Variants in ZNF611 observed in about 807,000 individuals in gnomAD.
The protein encoded by ZNF611 is zinc finger protein 611.
In ZNF611, 6 loss-of-function variants were observed where a neutral mutation model predicts 8.9. That is an observed-to-expected ratio of 0.68 (90% CI 0.37 to 1.34). ZNF611 has a LOEUF of 1.34. ZNF611 is among the 40% of genes most tolerant of loss of function. The pLI is 0.02. For synonymous variants in ZNF611, 262 were observed against 279.7 expected (o/e 0.94, Z 0.63); for missense variants, 874 against 841.3 (o/e 1.04, Z -0.48).
chr19:52,728,542 GAAAGA>G (rs375743519), intron 3 of ZNF611, among the ~76,000 whole-genome samples, 183 bp downstream of exon 3: 5,603 of 151,994 alleles, frequency 0.037, 311 homozygotes, highest in African/African-American at 0.12. Context: ...CCATGTCCGA[GAAAGA>G]AAAGAAAAGA....
chr19:52,717,724 A>C, intron 3 of ZNF611: 1 of 982,858 alleles, frequency 1.0e-6, no homozygotes, highest in Non-Finnish European at 1.2e-6. Context: ...GAGGGAATTG[A>C]GGGAGACACT....
In ZNF611 at chr19:52,706,207, A is replaced by C. The variant is rs1392170610; in HGVS notation, c.848T>G (p.Val283Gly). The C allele has an allele frequency of 1.2e-6, 2 of 1,614,158 alleles. No individual in the cohort carries two copies. The highest frequency in any genetic ancestry group is 1.1e-5 in the South Asian group (1 of 91,074). The change falls in exon 6 of 6, where the codon GTT (valine) becomes GGT (glycine). Residue 283 changes from valine (V) to glycine (G), a missense_variant. Physicochemically the swap from Val to Gly is moderately radical, Grantham distance 109 (BLOSUM62 -3). Transcript: ENST00000652185. Reference sequence around the variant, plus strand: ...CTCTTTACACTTGTAAGGTTTCTCAACAGTGTGACATCTATCATGGCATGC... The same window carrying C: ...CTCTTTACACTTGTAAGGTTTCTCACCAGTGTGACATCTATCATGGCATGC... Reference protein sequence around the residue: ...YLACHDRCHTVEKPYKCKECG... With the variant: ...YLACHDRCHTGEKPYKCKECG...
At chr19:52,707,985 C>T (rs1344316174) in intron 5 of ZNF611, among the ~76,000 whole-genome samples, 5 of 151,746 alleles carry the variant, frequency 3.3e-5, no homozygotes, top group African/African-American at 4.8e-5. Flanking sequence ...TACCACATAC[C>T]GAAAAGCCAT....
chr19:52,731,130 G>A (rs1178199080), intron 1 of ZNF611, among the ~76,000 whole-genome samples: 1 of 151,680 alleles, frequency 6.6e-6, no homozygotes, highest in Non-Finnish European at 1.5e-5. Context: ...TGGTGCGATC[G>A]TGGCTCACTG....
rs1199451289 is a variant in ZNF611, at chr19:52,703,632, C to T, written c.*1305G>A. 1 of 145,162 alleles carries T rather than the reference C, an allele frequency of 6.9e-6. No homozygotes were observed. Among genetic ancestry groups the T allele is most frequent in the Admixed American group, 7.1e-5 (1 of 14,142 alleles). 9.0% of individuals were successfully genotyped at this position (145,162 alleles called of 1,614,324 possible). A position where few individuals can be genotyped will look rare whatever the true frequency, so the allele number is the denominator to read the frequency against. ...TTTGAGATAGACTCTCACTCTGTCGCCCAGGCTGGAGCCCAGTGGTGCGAT... is the reference window on the plus strand; with the variant it reads ...TTTGAGATAGACTCTCACTCTGTCGTCCAGGCTGGAGCCCAGTGGTGCGAT... On this transcript the variant is annotated 3_prime_UTR_variant, in exon 6 of 6. Transcript: ENST00000652185.
chr19:52,729,598 A>T, intron 2 of ZNF611, among the ~76,000 whole-genome samples: 1 of 152,168 alleles, frequency 6.6e-6, no homozygotes, highest in Admixed American at 6.6e-5. Flanking sequence ...ACCACACAGA[A>T]CAGGCACTTA....
In ZNF611 at chr19:52,705,766, TCATTA is replaced by T; in HGVS notation, c.1284_1288del (p.Cys428Ter). On this transcript the variant is annotated stop_gained and frameshift_variant, in exon 6 of 6. Transcript: ENST00000652185. LOFTEE classifies it low-confidence loss of function (END_TRUNC). ...CTTGTGACTGAAGGTCTTGCCACAC[TCATTA>T]CATTTATAAGTTTTCTTTGCAGTAT... 6.2e-7 allele frequency: 1 copy of T among 1,614,112 alleles called. No individual in the cohort carries two copies. The highest frequency in any genetic ancestry group is 8.5e-7 in the Non-Finnish European group (1 of 1,180,002).
At chr19:52,720,825 G>A in intron 3 of ZNF611, 1 of 153,716 alleles carries the variant, frequency 6.5e-6, no homozygotes, top group Non-Finnish European at 1.4e-5. Context: ...AGATGGGGCG[G>A]CCGGGCAGAG....
intron 5 of ZNF611, among the ~76,000 whole-genome samples, chr19:52,713,183 G>A (rs979467247): frequency 6.6e-6 from 1 of 152,106 alleles, no homozygotes; most frequent in African/African-American, 2.4e-5. Flanking sequence ...GCAACAGAGT[G>A]AGACTCTGAC....
intron 3 of ZNF611, 123 bp from the exon 4 acceptor site, chr19:52,716,036 G>C (rs1021688522): frequency 5.4e-6 from 6 of 1,104,412 alleles, no homozygotes; most frequent in Non-Finnish European, 7.8e-6. Context: ...CACTGCACCA[G>C]AGATCATGCA....
chr19:52,715,288 C>T (rs1463528144), intron 4 of ZNF611, among the ~76,000 whole-genome samples: 1 of 152,076 alleles, frequency 6.6e-6, no homozygotes, highest in Non-Finnish European at 1.5e-5. Flanking sequence ...AACCCCTTCT[C>T]TACTAAAAGT....
In ZNF611 at chr19:52,702,884, CTT is replaced by C. The variant is rs1030991853; in HGVS notation, c.*2051_*2052del. Reference sequence around the variant, plus strand: ...CCAAGTACACACTGAAACAATCAAACTTAAGTTTAGGTACCAAAGGTTTTCAA... The same window carrying C: ...CCAAGTACACACTGAAACAATCAAACAAGTTTAGGTACCAAAGGTTTTCAA... On this transcript the variant is annotated 3_prime_UTR_variant, in exon 6 of 6. Coordinates refer to ENST00000652185, the MANE Select transcript of ZNF611 (RefSeq NM_001161499.2). The C allele has an allele frequency of 5.3e-5, 8 of 152,292 alleles. No homozygotes were observed. Among genetic ancestry groups the C allele is most frequent in the East Asian group, 3.9e-4 (2 of 5,190 alleles). 9.4% of individuals were successfully genotyped at this position (152,292 alleles called of 1,614,324 possible). A position where few individuals can be genotyped will look rare whatever the true frequency, so the allele number is the denominator to read the frequency against.
Position 52,715,920 on chromosome 19 carries a change from G to T in ZNF611, c.-19-7C>A. ...GAGTCTTTAGGAATCAATCCTGTAT[G>T]TGAAAAAAAATGAGACTTCATGTTA... On this transcript the variant is annotated splice_region_variant and splice_polypyrimidine_tract_variant and intron_variant, in intron 3 of 5. Coordinates refer to ENST00000652185, the MANE Select transcript of ZNF611 (RefSeq NM_001161499.2). The T allele has an allele frequency of 6.2e-7, 1 of 1,609,032 alleles. No individual in the cohort carries two copies. The highest frequency in any genetic ancestry group is 1.3e-5 in the African/African-American group (1 of 74,620).
chr19:52,717,032 CA>C (rs1012014951), intron 3 of ZNF611, among the ~76,000 whole-genome samples: 186 of 136,682 alleles, frequency 1.4e-3, no homozygotes, highest in Admixed American at 1.3e-3. Context: ...GACTTCATCT[CA>C]AAAAAAAAAA....
intron 3 of ZNF611, chr19:52,723,533 G>A (rs2062373413): frequency 6.6e-6 from 1 of 152,234 alleles, no homozygotes; most frequent in Non-Finnish European, 1.5e-5. Flanking sequence ...TGGGATTATA[G>A]GCATGAGCCA....
At chr19:52,720,247 C>T (rs1456811648) in intron 3 of ZNF611, among the ~76,000 whole-genome samples, 1 of 152,240 alleles carries the variant, frequency 6.6e-6, no homozygotes, top group Non-Finnish European at 1.5e-5. Context: ...ACAAAACCGC[C>T]ATCGTCATCA....
intron 5 of ZNF611, among the ~76,000 whole-genome samples, chr19:52,711,825 A>G (rs1429121535): frequency 1.3e-5 from 2 of 152,114 alleles, no homozygotes; most frequent in Non-Finnish European, 2.9e-5. Flanking sequence ...TACAAAGTCA[A>G]TAGGCTGGTA....
At chr19:52,734,476 T>C (rs1188677078) in intron 1 of ZNF611, among the ~76,000 whole-genome samples, 2 of 145,878 alleles carry the variant, frequency 1.4e-5, no homozygotes, top group Non-Finnish European at 3.0e-5. Flanking sequence ...ATGAAAGCGG[T>C]GACTGCGGAG....
intron 5 of ZNF611, among the ~76,000 whole-genome samples, chr19:52,712,470 A>C (rs1477577082): frequency 1.3e-5 from 2 of 148,314 alleles, no homozygotes; most frequent in African/African-American, 2.5e-5. Context: ...AAAAAAAAAA[A>C]AAAAAAAAAA....
Sources: gnomAD v4.1 joint callset for allele counts (sites outside exome capture counted in the v4.1 genomes callset) on GRCh38, gnomAD v4.1.1 for gene constraint, MANE v1.5 for transcripts, NCBI Gene and HGNC (gene_info 2026-07-23, HGNC 2026-07-21) for gene names.